Variants in RPS6KA2 observed in about 807,000 individuals in gnomAD.
RPS6KA2 encodes the protein ribosomal protein S6 kinase A2.
In RPS6KA2, 42 loss-of-function variants were observed where a neutral mutation model predicts 91.8. That is an observed-to-expected ratio of 0.46 (90% CI 0.36 to 0.59). RPS6KA2 has a LOEUF of 0.59. Among genes scored for constraint, RPS6KA2 ranks in the 20% least tolerant of loss-of-function variants. The probability of loss-of-function intolerance (pLI) is 0.00; values close to 1 mark genes in which losing one functional copy is unlikely to be tolerated. For synonymous variants in RPS6KA2, 414 were observed against 393.6 expected (o/e 1.05, Z -0.61); for missense variants, 798 against 978.5 (o/e 0.82, Z 2.46).
chr6:166,803,390 A>T (rs1779417555), intron 2 of RPS6KA2, among the ~76,000 whole-genome samples: 1 of 152,244 alleles, frequency 6.6e-6, no homozygotes, highest in Non-Finnish European at 1.5e-5. Flanking sequence ...CTATTTCAGA[A>T]GTAGTTTTGT....
rs377469760 is a variant in RPS6KA2, at chr6:166,705,743, C to T, written c.123+152457G>A. On this transcript the variant is annotated intron_variant, in intron 2 of 21. Transcript: ENST00000503859. ...ACAGAATAGAGACTATTAAAACTAA[C>T]GAGAGTTCAGTGATGTTGATGGATT... Among the ~76,000 whole-genome samples the T allele has an allele frequency of 5.9e-5, 9 of 152,266 alleles. No individual in the cohort carries two copies. In the East Asian group the frequency reaches 1.3e-3, roughly 23 times the overall value.
Position 166,413,899 on chromosome 6 carries a change from A to T in RPS6KA2, c.1971T>A (p.Pro657=). ...CTTGCATCGCCGTCAGGCGCTGATG[A>T]GGGTCCACGTGGAGCATCTTGGACA... ...DVVSKMLHVD[P]HQRLTAMQVL... The change falls in exon 20 of 21, where the codon CCT becomes CCA. Residue 657 remains proline, a synonymous_variant. Coordinates refer to ENST00000265678, the MANE Select transcript of RPS6KA2 (RefSeq NM_021135.6). The T allele has an allele frequency of 6.2e-7, 1 of 1,614,088 alleles. No homozygotes were observed. Among genetic ancestry groups the T allele is most frequent in the Non-Finnish European group, 8.5e-7 (1 of 1,179,980 alleles).
Position 166,459,603 on chromosome 6 carries a change from C to T in RPS6KA2, c.973-52G>A, listed in dbSNP as rs1387001048. Reference sequence around the variant, plus strand: ...GGCACTGAGGATGCACAGACATTGCCACAGAACACTGGGGACAGAGAAACC... The same window carrying T: ...GGCACTGAGGATGCACAGACATTGCTACAGAACACTGGGGACAGAGAAACC... On this transcript the variant is annotated intron_variant, in intron 11 of 20. Transcript: ENST00000265678. The surrounding 1 kb of genome is among the most constrained non-coding windows in gnomAD (Gnocchi z 4.9). The T allele has an allele frequency of 7.5e-7, 1 of 1,335,468 alleles. No individual in the cohort carries two copies. The allele number at this position is 1,335,468 out of a possible 1,614,324, so 82.7% of individuals were successfully genotyped here.
chr6:166,823,343 A>G (rs1244177804), intron 2 of RPS6KA2, among the ~76,000 whole-genome samples: 1 of 152,178 alleles, frequency 6.6e-6, no homozygotes, highest in Non-Finnish European at 1.5e-5. Flanking sequence ...ACAAACTATT[A>G]CAGATCAGAT....
chr6:166,588,770 C>G (rs368104299), intron 1 of RPS6KA2, among the ~76,000 whole-genome samples: 3 of 152,268 alleles, frequency 2.0e-5, no homozygotes, highest in African/African-American at 7.2e-5. Context: ...GCTCAGGGCC[C>G]GAAGAGAGTC....
intron 6 of RPS6KA2, among the ~76,000 whole-genome samples, chr6:166,501,833 G>A (rs1782040662): frequency 6.6e-6 from 1 of 152,220 alleles, no homozygotes; most frequent in African/African-American, 2.4e-5. Flanking sequence ...GGGCTGGAAA[G>A]AAACAAAGGC....
At chr6:166,614,079 C>T (rs1786305406) in intron 1 of RPS6KA2, among the ~76,000 whole-genome samples, 1 of 152,238 alleles carries the variant, frequency 6.6e-6, no homozygotes, top group Admixed American at 6.5e-5. Context: ...TGCCCCACAC[C>T]CTCTAGGGGC....
chr6:166,855,551 G>A (rs1363915144), intron 2 of RPS6KA2, among the ~76,000 whole-genome samples: 1 of 152,092 alleles, frequency 6.6e-6, no homozygotes, highest in African/African-American at 2.4e-5. Context: ...TCAGAATATG[G>A]CTCTTTTATT....
chr6:166,478,760 C>T (rs1418308750), intron 10 of RPS6KA2, among the ~76,000 whole-genome samples: 2 of 152,108 alleles, frequency 1.3e-5, no homozygotes, highest in African/African-American at 4.8e-5. Flanking sequence ...GGCCACAGGC[C>T]TCTGCACACC....
chr6:166,549,235 T>C (rs1169035891), intron 1 of RPS6KA2, among the ~76,000 whole-genome samples: 1 of 152,232 alleles, frequency 6.6e-6, no homozygotes, highest in Non-Finnish European at 1.5e-5. Context: ...ATATAAAATG[T>C]TCCAGCCATT....
At chr6:166,593,745 T>C (rs748895206) in intron 1 of RPS6KA2, among the ~76,000 whole-genome samples, 20 of 151,996 alleles carry the variant, frequency 1.3e-4, no homozygotes, top group Non-Finnish European at 1.9e-4. Flanking sequence ...TCAATTAAAA[T>C]GGCAAAAGAT....
chr6:166,736,648 T>C (rs1252231928), intron 2 of RPS6KA2, among the ~76,000 whole-genome samples: 1 of 152,054 alleles, frequency 6.6e-6, no homozygotes, highest in East Asian at 1.9e-4. Flanking sequence ...TAAGATACCA[T>C]CCACAGTTCA....
intron 2 of RPS6KA2, chr6:166,858,031 T>C: frequency 1.7e-6 from 1 of 598,978 alleles, no homozygotes; most frequent in South Asian, 2.1e-5. Context: ...GCACATGATA[T>C]GTACATATGC....
At chr6:166,492,890 ATTTTT>A (rs71032807) in intron 8 of RPS6KA2, among the ~76,000 whole-genome samples, 1 of 103,550 alleles carries the variant, frequency 9.7e-6, no homozygotes, top group African/African-American at 3.7e-5. Context: ...TAATTTTTGT[ATTTTT>A]TTTTTTTTTT....
intron 2 of RPS6KA2, among the ~76,000 whole-genome samples, chr6:166,657,544 G>A (rs1788039054): frequency 6.6e-6 from 1 of 152,228 alleles, no homozygotes; most frequent in Non-Finnish European, 1.5e-5. Context: ...TGGGAACCAG[G>A]GGAGGGAGGT....
chr6:166,731,265 G>A (rs1361488805), intron 2 of RPS6KA2, among the ~76,000 whole-genome samples: 4 of 151,948 alleles, frequency 2.6e-5, no homozygotes, highest in Non-Finnish European at 5.9e-5. Context: ...AAAGAAAAAA[G>A]CCATCCAAAG....
intron 2 of RPS6KA2, among the ~76,000 whole-genome samples, chr6:166,725,188 T>C (rs897639065): frequency 4.6e-5 from 7 of 152,078 alleles, no homozygotes; most frequent in Non-Finnish European, 8.8e-5. Context: ...TAAAAAAAAG[T>C]CTTTTATTTT....
intron 1 of RPS6KA2, among the ~76,000 whole-genome samples, chr6:166,594,068 C>T (rs898344512): frequency 1.3e-5 from 2 of 152,048 alleles, no homozygotes; most frequent in Non-Finnish European, 2.9e-5. Context: ...ATATAAAAAT[C>T]GAAATGAATT....
chr6:166,453,820 T>C (rs758519351), intron 12 of RPS6KA2, among the ~76,000 whole-genome samples: 1 of 152,204 alleles, frequency 6.6e-6, no homozygotes, highest in African/African-American at 2.4e-5. Context: ...CAACAGGTGA[T>C]TGGGTAAACA....
Sources: gnomAD v4.1 joint callset for allele counts (sites outside exome capture counted in the v4.1 genomes callset) on GRCh38, gnomAD v4.1.1 for gene constraint, Gnocchi (gnomAD v3.1) non-coding constraint, MANE v1.5 for transcripts, NCBI Gene and HGNC (gene_info 2026-07-23, HGNC 2026-07-21) for gene names.